FAT4: variants seen among roughly 807,000 people sequenced by gnomAD.
FAT4 encodes the protein protocadherin Fat 4.
Under a neutral mutation model 303.9 loss-of-function variants are expected in FAT4, and 84 were observed. That is an observed-to-expected ratio of 0.28 (90% CI 0.23 to 0.33). The LOEUF (loss-of-function observed/expected upper bound fraction) is 0.33, where lower values mean the gene tolerates loss of function less well. Ranked by LOEUF, FAT4 falls within the 10% of genes least tolerant of loss-of-function variation. The pLI, the probability that FAT4 is intolerant of heterozygous loss-of-function variation, is 1.00. For missense variants in FAT4, 6,005 were observed against 6,146.8 expected (o/e 0.98, Z 0.77); for synonymous variants, 2,307 against 2,298.8 (o/e 1.00, Z -0.10).
At chr4:125,352,822 TA>T (rs1481481551) in intron 2 of FAT4, among the ~76,000 whole-genome samples, 2 of 151,670 alleles carry the variant, frequency 1.3e-5, no homozygotes, top group African/African-American at 4.8e-5. Flanking sequence ...GCCTTGGCTT[TA>T]AAAGAAAAAA....
chr4:125,460,748 A>G (rs979332183), intron 10 of FAT4, among the ~76,000 whole-genome samples: 1 of 152,058 alleles, frequency 6.6e-6, no homozygotes, highest in East Asian at 1.9e-4. Flanking sequence ...TTGCACATTC[A>G]TTTGTATGTG....
At chr4:125,440,287 G>A (rs1350199842) in intron 8 of FAT4, among the ~76,000 whole-genome samples, 1 of 151,500 alleles carries the variant, frequency 6.6e-6, no homozygotes, top group Admixed American at 6.6e-5. Flanking sequence ...AAAATCTTTA[G>A]TCTGATTTTT....
chr4:125,417,975 C>G (rs1330671840), intron 7 of FAT4, among the ~76,000 whole-genome samples: 1 of 152,120 alleles, frequency 6.6e-6, no homozygotes, highest in African/African-American at 2.4e-5. Flanking sequence ...TATGAATAAC[C>G]ACTTTTTTCA....
intron 2 of FAT4, among the ~76,000 whole-genome samples, chr4:125,392,532 A>G (rs750602687): frequency 2.0e-5 from 3 of 152,174 alleles, no homozygotes; most frequent in Non-Finnish European, 4.4e-5. Flanking sequence ...AGCTTTTTGT[A>G]TACGTTTTAA....
At chr4:125,323,198 G>C (rs958876833) in intron 2 of FAT4, among the ~76,000 whole-genome samples, 1 of 152,128 alleles carries the variant, frequency 6.6e-6, no homozygotes, top group Non-Finnish European at 1.5e-5. Flanking sequence ...AGATGCTGTT[G>C]TTTGGTTCAG....
intron 7 of FAT4, among the ~76,000 whole-genome samples, chr4:125,417,127 A>G (rs1735107970): frequency 6.6e-6 from 1 of 152,144 alleles, no homozygotes; most frequent in Admixed American, 6.6e-5. Flanking sequence ...GCAAGGGCTT[A>G]AGGACATCGC....
chr4:125,383,710 G>T (rs1348394781), intron 2 of FAT4, among the ~76,000 whole-genome samples: 5 of 152,116 alleles, frequency 3.3e-5, no homozygotes, highest in Non-Finnish European at 5.9e-5. Flanking sequence ...ATGAAACATG[G>T]TTTTCCAGTA....
intron 9 of FAT4, among the ~76,000 whole-genome samples, chr4:125,447,928 T>TTATC (rs1269228122): frequency 6.6e-6 from 1 of 152,012 alleles, no homozygotes; most frequent in Non-Finnish European, 1.5e-5. Flanking sequence ...CATCTGATAA[T>TTATC]AGTTCACGTA....
chr4:125,341,495 A>C (rs1021223833), intron 2 of FAT4, among the ~76,000 whole-genome samples: 2 of 152,048 alleles, frequency 1.3e-5, no homozygotes, highest in Admixed American at 1.3e-4. Context: ...AGTAATGTCC[A>C]TTTGTAATAA....
chr4:125,431,275 A>G (rs979713961), intron 7 of FAT4, among the ~76,000 whole-genome samples: 3 of 152,194 alleles, frequency 2.0e-5, no homozygotes, highest in Admixed American at 6.5e-5. Flanking sequence ...CTTTCTTGAA[A>G]TCTCACTGTA....
Position 125,385,353 on chromosome 4 carries a change from C to T in FAT4, c.5176-13431C>T, listed in dbSNP as rs139144485. 4.8e-3 allele frequency among the ~76,000 whole-genome samples: 730 copies of T among 152,116 alleles called. 8 individuals carry two copies. Among genetic ancestry groups the T allele is most frequent in the African/African-American group, 0.016 (682 of 41,514 alleles). On this transcript the variant is annotated intron_variant, in intron 2 of 17. Transcript: ENST00000394329. ...TAGAAACTTCTTGGTCATCCTCACA[C>T]AAAATTCAGATATTGATTCCTTAAA...
At chr4:125,339,417 C>G (rs1046826178) in intron 2 of FAT4, among the ~76,000 whole-genome samples, 4 of 151,972 alleles carry the variant, frequency 2.6e-5, no homozygotes, top group Non-Finnish European at 5.9e-5. Flanking sequence ...AGGATGGTCT[C>G]GATCTTCTGA....
In FAT4 at chr4:125,452,719, C is replaced by G; in HGVS notation, c.11709C>G (p.Ile3903Met). The change falls in exon 10 of 18, where the codon ATC (isoleucine) becomes ATG (methionine). Residue 3903 changes from isoleucine to methionine, a missense_variant. By Grantham distance (10) the Ile-to-Met change is conservative (BLOSUM62 1). Coordinates refer to ENST00000394329, the MANE Select transcript of FAT4 (RefSeq NM_001291303.3). ...CTGGTAGGGCGTGTGAGAGAGATAT[C>G]AATGAGTGCCTGCAGAGTCCTTGCA... ...GFTGRACERD[I>M]NECLQSPCKN... 1 of 1,614,110 alleles carries G rather than the reference C, an allele frequency of 6.2e-7. No individual in the cohort carries two copies. Among genetic ancestry groups the G allele is most frequent in the Non-Finnish European group, 8.5e-7 (1 of 1,180,008 alleles).
At chr4:125,396,115 C>T (rs1734158948) in intron 2 of FAT4, among the ~76,000 whole-genome samples, 1 of 151,988 alleles carries the variant, frequency 6.6e-6, no homozygotes, top group Admixed American at 6.6e-5. Flanking sequence ...TTTTAACACA[C>T]ACGCATGAGA....
intron 12 of FAT4, among the ~76,000 whole-genome samples, chr4:125,475,635 A>T (rs1727002527): frequency 6.6e-6 from 1 of 152,130 alleles, no homozygotes; most frequent in Non-Finnish European, 1.5e-5. Context: ...CACTTACTTG[A>T]TTTAACAAAT....
At chr4:125,479,920 A>G in intron 15 of FAT4, 55 bp downstream of exon 15, 2 of 1,381,772 alleles carry the variant, frequency 1.4e-6, no homozygotes, top group Non-Finnish European at 1.9e-6. Flanking sequence ...GAAAAGTAAA[A>G]TATATGCACC....
At position 125,320,187 on chromosome 4, in the gene FAT4, C is replaced by G; in HGVS notation, c.3776C>G (p.Ala1259Gly). ...AAAGGAAATGAAGAAAGACAGTTTG[C>G]TATAGACAGTACCTCTGGTCAGGTA... ...IIKGNEERQF[A>G]IDSTSGQVTL... The change falls in exon 2 of 18, where the codon GCT (alanine) becomes GGT (glycine). Residue 1259 changes from alanine to glycine, a missense_variant. By Grantham distance (60) the Ala-to-Gly change is moderately conservative. Coordinates refer to ENST00000394329, the MANE Select transcript of FAT4 (RefSeq NM_001291303.3). 6.2e-7 allele frequency: 1 copy of G among 1,613,614 alleles called. No homozygotes were observed. Among genetic ancestry groups the G allele is most frequent in the East Asian group, 2.2e-5 (1 of 44,864 alleles).
intron 2 of FAT4, among the ~76,000 whole-genome samples, chr4:125,336,411 T>G (rs1424810212): frequency 6.6e-6 from 1 of 151,966 alleles, no homozygotes; most frequent in Non-Finnish European, 1.5e-5. Context: ...TTGATAAGTG[T>G]CAGATACTGA....
Position 125,407,919 on chromosome 4 carries a change from A to G in FAT4, c.5570-525A>G, listed in dbSNP as rs184031415. 7.2e-5 allele frequency among the ~76,000 whole-genome samples: 11 copies of G among 152,228 alleles called. No homozygotes were observed. The East Asian group carries it at 2.1e-3, about 29-fold the overall frequency. Reference sequence around the variant, plus strand: ...AAACTCCATTTGGCAAAGGAATTAAACATCTACAGGAGACTCCTTCTACCT... The same window carrying G: ...AAACTCCATTTGGCAAAGGAATTAAGCATCTACAGGAGACTCCTTCTACCT... On this transcript the variant is annotated intron_variant, in intron 4 of 17. Coordinates refer to ENST00000394329, the MANE Select transcript of FAT4 (RefSeq NM_001291303.3).
Sources: gnomAD v4.1 joint callset for allele counts (sites outside exome capture counted in the v4.1 genomes callset) on GRCh38, gnomAD v4.1.1 for gene constraint, MANE v1.5 for transcripts, NCBI Gene and HGNC (gene_info 2026-07-23, HGNC 2026-07-21) for gene names.